The following PET100 variants were observed in gnomAD, a reference collection of about 807,000 sequenced individuals.
PET100 encodes protein PET100 homolog, mitochondrial.
PET100 carries 13 observed loss-of-function variants against 13.6 expected under a neutral mutation model. The ratio of observed to expected loss-of-function variants is 0.96; its 90% CI spans 0.62 to 1.52. The LOEUF is 1.52. Among genes scored for constraint, PET100 ranks in the 40% most tolerant of loss-of-function variants. PET100 has a pLI of 0.00. For missense variants in PET100, 94 were observed against 95.3 expected (o/e 0.99, Z 0.06); for synonymous variants, 28 against 30.8 (o/e 0.91, Z 0.30).
chr19:7,631,405 G>C (rs1478902402), intron 3 of PET100, 68 bp from the exon 4 acceptor site: 6 of 1,043,796 alleles, frequency 5.7e-6, no homozygotes, highest in Non-Finnish European at 8.2e-6. Flanking sequence ...TGGGCGGGGG[G>C]GGGTGGTCCC....
chr19:7,630,673 G>T lies in PET100; in HGVS notation c.114+14G>T. The stretch of plus-strand genomic sequence containing the variant: ...ATACAGCGCAAGGTGGGCATAAGAG[G>T]AGTGTTTGAGGGTTCATTCCAGGGG... On this transcript the variant is annotated intron_variant, in intron 2 of 3. Transcript: ENST00000594797. 1 of 1,536,286 alleles carries T rather than the reference G, an allele frequency of 6.5e-7. No homozygotes were observed. Among genetic ancestry groups the T allele is most frequent in the Non-Finnish European group, 8.7e-7 (1 of 1,145,988 alleles).
chr19:7,629,842 G>T lies in PET100; in HGVS notation c.9G>T (p.Val3=), dbSNP rs1473839715. 2 of 1,536,076 alleles carry T rather than the reference G, an allele frequency of 1.3e-6. No individual in the cohort carries two copies. The highest frequency in any genetic ancestry group is 1.2e-5 in the South Asian group (1 of 83,928). The change falls in exon 1 of 4, where the codon GTG becomes GTT. Residue 3 remains valine (V), a synonymous_variant. Transcript: ENST00000594797. ...TGACCGGGAGAAACGAGATGGGGGT[G>T]AAGCTGGAGATATTTCGGGTCAGTG... is the stretch of plus-strand genomic sequence containing the variant. MG[V]KLEIFRMIIY...
chr19:7,630,883 A>G, intron 3 of PET100, 37 bp downstream of exon 3: 1 of 1,536,976 alleles, frequency 6.5e-7, no homozygotes, highest in Non-Finnish European at 8.7e-7. Context: ...GGGATGGAGG[A>G]GGCTGGATTC....
intron 3 of PET100, 141 bp downstream of exon 3, chr19:7,630,987 TC>T (rs1229573099): frequency 3.7e-6 from 4 of 1,089,742 alleles, no homozygotes; most frequent in Non-Finnish European, 5.4e-6. Flanking sequence ...GGTGGGTAGA[TC>T]ACTTGAGGTC....
In PET100 at chr19:7,631,705, G is replaced by A. The variant is rs200862039; in HGVS notation, c.*149G>A. On this transcript the variant is annotated 3_prime_UTR_variant, in exon 4 of 4. Coordinates refer to ENST00000594797, the MANE Select transcript of PET100 (RefSeq NM_001171155.2). ...CTCAGGCCCTCAGGGGGCTTGTGTC[G>A]GGGGCTGGGGGCTGCTGTTCCGACG... 9.2e-5 allele frequency: 134 copies of A among 1,451,576 alleles called. No homozygotes were observed. The East Asian group carries it at 2.7e-3, about 29-fold the overall frequency. The allele number at this position is 1,451,576 out of a possible 1,614,324, so 89.9% of individuals were successfully genotyped here.
In PET100 at chr19:7,631,411, G is replaced by A; in HGVS notation, c.139-62G>A. The stretch of plus-strand genomic sequence containing the variant: ...TGGGAGAGGTGGGCGGGGGGGGGTG[G>A]TCCCGGCTCTGAGGTGTGTGCCCCT... On this transcript the variant is annotated intron_variant, in intron 3 of 3. Coordinates refer to ENST00000594797, the MANE Select transcript of PET100 (RefSeq NM_001171155.2). The A allele has an allele frequency of 3.4e-6, 3 of 886,148 alleles. No homozygotes were observed. The East Asian group carries it at 8.7e-5, about 26-fold the overall frequency. 54.9% of individuals were successfully genotyped at this position (886,148 alleles called of 1,614,324 possible). A position where few individuals can be genotyped will look rare whatever the true frequency, so the allele number is the denominator to read the frequency against.
At chr19:7,631,235 T>C (rs1484685777) in intron 3 of PET100, 6 of 1,405,744 alleles carry the variant, frequency 4.3e-6, no homozygotes, top group Admixed American at 3.1e-5. Flanking sequence ...CTCTCAGCCA[T>C]GAGTAAGGAA....
chr19:7,630,501 T>C (rs1406982699), intron 1 of PET100, 72 bp from the exon 2 acceptor site: 1 of 1,243,220 alleles, frequency 8.0e-7, no homozygotes, highest in East Asian at 2.5e-5. Context: ...GTAGGATGGG[T>C]CCCCCAGGCT....
chr19:7,631,400 G>A (rs899029976), intron 3 of PET100, 73 bp from the exon 4 acceptor site: 49 of 883,522 alleles, frequency 5.5e-5, no homozygotes, highest in Non-Finnish European at 7.2e-5. Flanking sequence ...AGAGGTGGGC[G>A]GGGGGGGGTG....
intron 3 of PET100, 82 bp from the exon 4 acceptor site, chr19:7,631,391 G>A: frequency 7.8e-7 from 1 of 1,277,244 alleles, no homozygotes; most frequent in Non-Finnish European, 1.1e-6. Flanking sequence ...GGTGGTGGGA[G>A]AGGTGGGCGG....
chr19:7,631,385 G>A lies in PET100; in HGVS notation c.139-88G>A, dbSNP rs1412584073. The A allele has an allele frequency of 3.0e-6, 4 of 1,349,268 alleles. No homozygotes were observed. In the East Asian group the frequency reaches 7.8e-5, roughly 26 times the overall value. The allele number at this position is 1,349,268 out of a possible 1,614,324, so 83.6% of individuals were successfully genotyped here. A position where few individuals can be genotyped will look rare whatever the true frequency, so the allele number is the denominator to read the frequency against. On this transcript the variant is annotated intron_variant, in intron 3 of 3. Transcript: ENST00000594797. Reference sequence around the variant, plus strand: ...TGAAGCCGTGGTCTGGGGCAGGGTGGTGGGAGAGGTGGGCGGGGGGGGGTG... The same window carrying A: ...TGAAGCCGTGGTCTGGGGCAGGGTGATGGGAGAGGTGGGCGGGGGGGGGTG...
At chr19:7,630,257 C>T (rs1335872658) in intron 1 of PET100, 2 of 456,574 alleles carry the variant, frequency 4.4e-6, no homozygotes, top group African/African-American at 2.0e-5. Context: ...GGGGTGCTCC[C>T]GGGATCTTAA....
chr19:7,631,515 C>T lies in PET100; in HGVS notation c.181C>T (p.Arg61Trp), dbSNP rs968644021. 21 of 1,535,978 alleles carry T rather than the reference C, an allele frequency of 1.4e-5. No homozygotes were observed. The highest frequency in any genetic ancestry group is 1.2e-4 in the South Asian group (10 of 83,964). The change falls in exon 4 of 4, where the codon CGG (arginine) becomes TGG (tryptophan). Residue 61 changes from arginine to tryptophan, a missense_variant. Arg to Trp is a moderately radical substitution (Grantham distance 101). Coordinates refer to ENST00000594797, the MANE Select transcript of PET100 (RefSeq NM_001171155.2). ...ATTCAAAGAGAGGTTACGGAAGCGGCGGGAGGAGAAGCTCCTTCGCGACGC... is the reference window on the plus strand; with the variant it reads ...ATTCAAAGAGAGGTTACGGAAGCGGTGGGAGGAGAAGCTCCTTCGCGACGC... ...EEFKERLRKR[R>W]EEKLLRDAQQ...
chr19:7,630,157 G>A, intron 1 of PET100: 1 of 472,662 alleles, frequency 2.1e-6, no homozygotes, highest in African/African-American at 2.0e-5. Flanking sequence ...TCCTGGGGGA[G>A]CTCTCGGGCT....
chr19:7,630,523 C>T, intron 1 of PET100, 50 bp from the exon 2 acceptor site: 2 of 1,427,554 alleles, frequency 1.4e-6, no homozygotes, highest in East Asian at 2.5e-5. Flanking sequence ...TGAGGAGCCT[C>T]TGCACATTGC....
In PET100 at chr19:7,630,333, T is replaced by C. The variant is rs941359924; in HGVS notation, c.28-240T>C. 3 of 565,852 alleles carry C rather than the reference T, an allele frequency of 5.3e-6. No homozygotes were observed. In the African/African-American group the frequency reaches 5.6e-5, roughly 11 times the overall value. The allele number at this position is 565,852 out of a possible 1,614,324, so 35.1% of individuals were successfully genotyped here. On this transcript the variant is annotated intron_variant, in intron 1 of 3. Transcript: ENST00000594797. ...TGTAGCTGGGGCGTCTGTGTGTCTG[T>C]CTGTGTTTGAGAGGAAGACTCCAGC...
chr19:7,630,030 T>G, intron 1 of PET100, 170 bp downstream of exon 1: 26 of 573,764 alleles, frequency 4.5e-5, no homozygotes, highest in Middle Eastern at 5.1e-4. Context: ...GACGCTGGGC[T>G]GGGGGGGTTC....
chr19:7,630,906 T>G (rs1188684499), intron 3 of PET100, 60 bp downstream of exon 3: 1 of 1,534,728 alleles, frequency 6.5e-7, no homozygotes, highest in Admixed American at 2.0e-5. Flanking sequence ...GTATCCGGGA[T>G]GGGTTTTAGA....
At chr19:7,631,410 G>GGGGGGGGGGGGGGGGGGGGGGGGGGGGGT in intron 3 of PET100, 63 bp from the exon 4 acceptor site, 1 of 821,212 alleles carries the variant, frequency 1.2e-6, no homozygotes, top group Non-Finnish European at 1.8e-6. Context: ...GGGGGGGGGT[G>GGGGGGGGGGGGGGGGGGGGGGGGGGGGGT]GTCCCGGCTC....
Sources: gnomAD v4.1 joint callset for allele counts on GRCh38, gnomAD v4.1.1 for gene constraint, MANE v1.5 for transcripts, NCBI Gene and HGNC (gene_info 2026-07-23, HGNC 2026-07-21) for gene names.